FBXW8: variants seen among roughly 807,000 people sequenced by gnomAD.
The protein encoded by FBXW8 is F-box/WD repeat-containing protein 8.
FBXW8 carries 57 observed loss-of-function variants against 65.3 expected under a neutral mutation model. The ratio of observed to expected loss-of-function variants is 0.87; its 90% confidence interval spans 0.71 to 1.09. The LOEUF (loss-of-function observed/expected upper bound fraction) is 1.09, where lower values mean the gene tolerates loss of function less well. Among genes scored for constraint, FBXW8 ranks in the 50% least tolerant of loss-of-function variants. The probability of loss-of-function intolerance (pLI) is 0.00; values close to 1 mark genes in which losing one functional copy is unlikely to be tolerated. For synonymous variants in FBXW8, 308 were observed against 330.2 expected (o/e 0.93, Z 0.73); for missense variants, 777 against 814.8 (o/e 0.95, Z 0.57).
At chr12:116,917,104 G>C (rs1391720671) in intron 1 of FBXW8, among the ~76,000 whole-genome samples, 1 of 152,166 alleles carries the variant, frequency 6.6e-6, no homozygotes, top group Admixed American at 6.5e-5. Flanking sequence ...TCCAGAGTCA[G>C]TGTGGATTTA....
At chr12:117,011,073 G>C (rs1953794423) in intron 8 of FBXW8, among the ~76,000 whole-genome samples, 1 of 150,862 alleles carries the variant, frequency 6.6e-6, no homozygotes, top group Non-Finnish European at 1.5e-5. Context: ...AAGACCCTTT[G>C]AGTCCAAATT....
chr12:116,951,683 T>C (rs1008390549), intron 4 of FBXW8, among the ~76,000 whole-genome samples: 1 of 152,224 alleles, frequency 6.6e-6, no homozygotes, highest in African/African-American at 2.4e-5. Context: ...TTCTCACCTT[T>C]TCAGCTCTCT....
chr12:116,997,047 G>T (rs1172326898), intron 7 of FBXW8, among the ~76,000 whole-genome samples: 2 of 152,140 alleles, frequency 1.3e-5, no homozygotes, highest in African/African-American at 2.4e-5. Flanking sequence ...AATGCATTTT[G>T]TACATGTTTA....
At position 116,949,331 on chromosome 12, in the gene FBXW8, G is replaced by A. The variant is rs1257369171; in HGVS notation, c.589-287G>A. 1.9e-5 allele frequency: 8 copies of A among 411,980 alleles called. No homozygotes were observed. In the East Asian group the frequency reaches 3.6e-4, roughly 18 times the overall value. 25.5% of individuals were successfully genotyped at this position (411,980 alleles called of 1,614,324 possible). A position where few individuals can be genotyped will look rare whatever the true frequency, so the allele number is the denominator to read the frequency against. On this transcript the variant is annotated intron_variant, in intron 3 of 10. Coordinates refer to ENST00000652555, the MANE Select transcript of FBXW8 (RefSeq NM_153348.3). The stretch of plus-strand genomic sequence containing the variant: ...TATTGTGGATGGTAGTTATTGGTGA[G>A]CACATATTTGCTTTCTATTCTGTAA...
intron 3 of FBXW8, among the ~76,000 whole-genome samples, chr12:116,945,910 A>G (rs3803089): frequency 0.029 from 4,458 of 152,318 alleles, 195 homozygotes; most frequent in East Asian, 0.2. Flanking sequence ...TGAAAATGTC[A>G]TTTCTAGTAA....
chr12:116,911,252 C>G lies in FBXW8; in HGVS notation c.215C>G (p.Thr72Ser). ...GGGAGGCCCCCGGCGGCGCGGGCGA[C>G]TCGGGCCGAGGGGCAGGACGTAGCG... ...GAGRPPAARA[T>S]RAEGQDVASR... Residue 72 changes from threonine to serine, a missense_variant, in exon 1 of 11, where the codon ACT becomes AGT. Physicochemically the swap from Thr to Ser is moderately conservative, Grantham distance 58. Coordinates refer to ENST00000652555, the MANE Select transcript of FBXW8 (RefSeq NM_153348.3). The G allele has an allele frequency of 8.0e-7, 1 of 1,242,906 alleles. No individual in the cohort carries two copies. The highest frequency in any genetic ancestry group is 1.0e-6 in the Non-Finnish European group (1 of 996,220). The allele number at this position is 1,242,906 out of a possible 1,614,324, so 77.0% of individuals were successfully genotyped here. A position where few individuals can be genotyped will look rare whatever the true frequency, so the allele number is the denominator to read the frequency against.
intron 1 of FBXW8, among the ~76,000 whole-genome samples, chr12:116,925,502 G>C (rs78113244): frequency 0.047 from 7,150 of 152,242 alleles, 414 homozygotes; most frequent in African/African-American, 0.13. Flanking sequence ...TATTTCTTAA[G>C]ATATGGACCT....
At chr12:116,942,374 A>AT (rs57576794) in intron 2 of FBXW8, among the ~76,000 whole-genome samples, 98,776 of 134,056 alleles carry the variant, frequency 0.74, 37,785 homozygotes, top group Non-Finnish European at 0.84. Flanking sequence ...AAGTTTCCTG[A>AT]TTTTTTTTTT....
intron 1 of FBXW8, among the ~76,000 whole-genome samples, chr12:116,912,759 G>A (rs1279538805): frequency 6.6e-6 from 1 of 152,104 alleles, no homozygotes. Context: ...CACCGCGCCC[G>A]GCCGAGAATA....
At chr12:116,974,766 C>T (rs1294206144) in intron 5 of FBXW8, among the ~76,000 whole-genome samples, 5 of 152,098 alleles carry the variant, frequency 3.3e-5, no homozygotes, top group Admixed American at 3.3e-4. Context: ...ATATTGTGTA[C>T]CCTGGTAACA....
At chr12:117,011,673 C>G (rs1953822660) in intron 8 of FBXW8, among the ~76,000 whole-genome samples, 1 of 152,150 alleles carries the variant, frequency 6.6e-6, no homozygotes, top group African/African-American at 2.4e-5. Flanking sequence ...CTCCTAGGAT[C>G]TCCACACAGG....
At chr12:117,000,341 G>A (rs1368896478) in intron 7 of FBXW8, among the ~76,000 whole-genome samples, 1 of 152,226 alleles carries the variant, frequency 6.6e-6, no homozygotes, top group Non-Finnish European at 1.5e-5. Context: ...CAGCAATTTG[G>A]AAGCAGGAAG....
Position 116,991,273 on chromosome 12 carries a change from A to G in FBXW8, c.1239+2404A>G, listed in dbSNP as rs560078165. Among the ~76,000 whole-genome samples the G allele has an allele frequency of 7.9e-5, 12 of 152,362 alleles. No individual in the cohort carries two copies. The South Asian group carries it at 8.3e-4, about 11-fold the overall frequency. ...GTAAGAGGAATACCAAGCTTCATCTATGTAACTTTGCTTATTTTTACAGAG... is the reference window on the plus strand; with the variant it reads ...GTAAGAGGAATACCAAGCTTCATCTGTGTAACTTTGCTTATTTTTACAGAG... On this transcript the variant is annotated intron_variant, in intron 7 of 10. Coordinates refer to ENST00000652555, the MANE Select transcript of FBXW8 (RefSeq NM_153348.3).
Position 116,960,207 on chromosome 12 carries a change from C to A in FBXW8, c.678-4490C>A, listed in dbSNP as rs540430910. On this transcript the variant is annotated intron_variant, in intron 4 of 10. Transcript: ENST00000652555. ...TTTTAGATCACATTTAGGGTTTGGT[C>A]CAGGTCCCTCTGCCCCAACCTGTGT... is the stretch of plus-strand genomic sequence containing the variant. 1.8e-4 allele frequency among the ~76,000 whole-genome samples: 27 copies of A among 152,310 alleles called. No homozygotes were observed. In the South Asian group the frequency reaches 4.6e-3, roughly 26 times the overall value.
At chr12:116,963,979 A>T (rs1018708287) in intron 4 of FBXW8, among the ~76,000 whole-genome samples, 5 of 152,198 alleles carry the variant, frequency 3.3e-5, no homozygotes, top group Admixed American at 3.3e-4. Context: ...CCATTCTGTC[A>T]TCCTGGGGGC....
intron 5 of FBXW8, among the ~76,000 whole-genome samples, chr12:116,975,409 G>A (rs1884862989): frequency 6.6e-6 from 1 of 152,226 alleles, no homozygotes; most frequent in African/African-American, 2.4e-5. Flanking sequence ...ATGGTGGAAA[G>A]GGCAAAGGAG....
intron 1 of FBXW8, among the ~76,000 whole-genome samples, chr12:116,915,745 C>T (rs750783376): frequency 4.1e-5 from 6 of 147,712 alleles, no homozygotes; most frequent in Admixed American, 1.4e-4. Flanking sequence ...CCTGACTTCC[C>T]GGGTTCAAGT....
intron 7 of FBXW8, among the ~76,000 whole-genome samples, chr12:117,010,116 T>C (rs1189000954): frequency 6.6e-6 from 1 of 152,236 alleles, no homozygotes; most frequent in Non-Finnish European, 1.5e-5. Context: ...TTTCCTTCTC[T>C]CTTCCTTTGC....
Position 117,024,208 on chromosome 12 carries a change from A to G in FBXW8, c.1429A>G (p.Arg477Gly), listed in dbSNP as rs371323948. ...IALSLSAHQL[R>G]VSAVQMDDWK... Reference sequence around the variant, plus strand: ...CCTGTCGCTCTCCGCCCATCAGCTCAGGGTCTCTGCTGTGCAGATGGATGA... The same window carrying G: ...CCTGTCGCTCTCCGCCCATCAGCTCGGGGTCTCTGCTGTGCAGATGGATGA... Residue 477 changes from arginine to glycine, a missense_variant, in exon 9 of 11, where the codon AGG becomes GGG. Transcript: ENST00000652555. The G allele has an allele frequency of 1.4e-5, 22 of 1,614,034 alleles. No homozygotes were observed. The African/African-American group carries it at 2.4e-4, about 18-fold the overall frequency.
Sources: allele counts gnomAD v4.1 joint callset (sites outside exome capture counted in the v4.1 genomes callset), GRCh38; gene constraint gnomAD v4.1.1; transcripts MANE v1.5; gene names NCBI Gene and HGNC (gene_info 2026-07-23, HGNC 2026-07-21).